Variants in RBFOX1 observed in about 807,000 individuals in gnomAD.
The protein encoded by RBFOX1 is RNA binding fox-1 homolog 1.
Under a neutral mutation model 57.7 loss-of-function variants are expected in RBFOX1, and 8 were observed. The observed-to-expected ratio is 0.14, with a 90% confidence interval of 0.08 to 0.25. The LOEUF (loss-of-function observed/expected upper bound fraction) is 0.25. RBFOX1 is among the 10% of genes least tolerant of loss of function. The pLI is 1.00. For synonymous variants in RBFOX1, 326 were observed against 222.4 expected, an observed-to-expected ratio of 1.47 and a Z score of -4.15; for missense variants, 611 against 548.5, an observed-to-expected ratio of 1.11 and a Z score of -1.14.
intron 4 of RBFOX1, among the ~76,000 whole-genome samples, chr16:7,270,981 C>G (rs1397709400): frequency 6.6e-6 from 1 of 152,136 alleles, no homozygotes; most frequent in African/African-American, 2.4e-5. Flanking sequence ...GGAAGACACA[C>G]ATGTGCAAGT....
At chr16:7,343,719 G>C (rs773883580) in intron 4 of RBFOX1, among the ~76,000 whole-genome samples, 36 of 152,142 alleles carry the variant, frequency 2.4e-4, no homozygotes, top group Non-Finnish European at 4.9e-4. Flanking sequence ...ATGGAGTAGG[G>C]TGTGAGCTCT....
At chr16:6,186,885 C>T (rs2097108794) in intron 1 of RBFOX1, among the ~76,000 whole-genome samples, 1 of 152,068 alleles carries the variant, frequency 6.6e-6, no homozygotes, top group Non-Finnish European at 1.5e-5. Flanking sequence ...CAAAGGCCCC[C>T]GAGTTGGGAG....
chr16:5,432,373 C>G (rs1378980588), intron 1 of RBFOX1, among the ~76,000 whole-genome samples: 1 of 152,214 alleles, frequency 6.6e-6, no homozygotes, highest in Non-Finnish European at 1.5e-5. Flanking sequence ...AAGCTCTCGA[C>G]TGCTCCGTGC....
At chr16:5,620,353 C>G (rs2048166277) in intron 3 of RBFOX1, among the ~76,000 whole-genome samples, 1 of 152,166 alleles carries the variant, frequency 6.6e-6, no homozygotes, top group African/African-American at 2.4e-5. Flanking sequence ...ACATTGTTGC[C>G]TCTATACAGC....
intron 4 of RBFOX1, among the ~76,000 whole-genome samples, chr16:7,488,614 C>T (rs2066056111): frequency 6.6e-6 from 1 of 152,154 alleles, no homozygotes; most frequent in Admixed American, 6.5e-5. Context: ...ATCCGTTACA[C>T]ACCTATCTAC....
chr16:7,188,030 A>C (rs1395905870), intron 4 of RBFOX1, among the ~76,000 whole-genome samples: 1 of 152,232 alleles, frequency 6.6e-6, no homozygotes, highest in Non-Finnish European at 1.5e-5. Context: ...TAGTGAGATT[A>C]TAGGCCATTT....
At chr16:5,321,473 C>G (rs1049548546) in intron 1 of RBFOX1, among the ~76,000 whole-genome samples, 1 of 152,118 alleles carries the variant, frequency 6.6e-6, no homozygotes, top group Non-Finnish European at 1.5e-5. Flanking sequence ...GCGCCCACCA[C>G]CATGCCTGGC....
chr16:5,770,316 C>A (rs1313957696), intron 3 of RBFOX1, among the ~76,000 whole-genome samples: 1 of 152,202 alleles, frequency 6.6e-6, no homozygotes. Flanking sequence ...GCTGCCCTCA[C>A]TGCTCTTTGT....
chr16:7,277,597 T>A (rs941046295), intron 4 of RBFOX1, among the ~76,000 whole-genome samples: 18 of 152,140 alleles, frequency 1.2e-4, no homozygotes, highest in Non-Finnish European at 4.4e-5. Context: ...AATACAGGTA[T>A]TTAAGTCTGA....
Position 6,019,247 on chromosome 16 carries a change from C to G in RBFOX1, c.-872C>G, listed in dbSNP as rs2095023209. ...GCCGTCTGGGTGCACACACCGCTCC[C>G]TCGATCACCCCAGCCCCCTTCCTGG... On this transcript the variant is annotated 5_prime_UTR_variant, in exon 1 of 16. Transcript: ENST00000550418. The surrounding 1 kb of genome is among the most constrained non-coding windows in gnomAD (Gnocchi z 4.2). 3 of 985,306 alleles carry G rather than the reference C, an allele frequency of 3.0e-6. No individual in the cohort carries two copies. The African/African-American group carries it at 5.2e-5, about 17-fold the overall frequency. 61.0% of individuals were successfully genotyped at this position (985,306 alleles called of 1,614,324 possible). A position where few individuals can be genotyped will look rare whatever the true frequency, so the allele number is the denominator to read the frequency against.
At chr16:6,669,320 C>T (rs2098750465) in intron 3 of RBFOX1, among the ~76,000 whole-genome samples, 2 of 152,116 alleles carry the variant, frequency 1.3e-5, no homozygotes, top group African/African-American at 2.4e-5. Flanking sequence ...TTATATTGTG[C>T]TTCTTTTTAT....
At chr16:6,544,112 T>C (rs773253737) in intron 2 of RBFOX1, among the ~76,000 whole-genome samples, 17 of 152,198 alleles carry the variant, frequency 1.1e-4, no homozygotes, top group South Asian at 2.1e-4. Context: ...GAGTATCTTA[T>C]CTGTCTTTGC....
intron 2 of RBFOX1, among the ~76,000 whole-genome samples, chr16:6,365,723 C>G (rs144990757): frequency 6.6e-6 from 1 of 152,270 alleles, no homozygotes; most frequent in East Asian, 1.9e-4. Context: ...AGATTTAGGT[C>G]TGAGCACCAT....
intron 3 of RBFOX1, among the ~76,000 whole-genome samples, chr16:6,811,062 C>A (rs151211935): frequency 5.9e-5 from 9 of 152,272 alleles, no homozygotes; most frequent in Admixed American, 5.9e-4. Context: ...CCCCGAAAAA[C>A]ACACCTGGGT....
chr16:5,669,482 C>G (rs576050388), intron 3 of RBFOX1, among the ~76,000 whole-genome samples: 63 of 147,016 alleles, frequency 4.3e-4, no homozygotes, highest in Middle Eastern at 3.6e-3. Flanking sequence ...TGCAGTGGCA[C>G]TATCTTGGCT....
At chr16:6,763,361 T>C (rs913269803) in intron 3 of RBFOX1, among the ~76,000 whole-genome samples, 5 of 152,210 alleles carry the variant, frequency 3.3e-5, no homozygotes, top group Non-Finnish European at 5.9e-5. Context: ...GTGATTACTT[T>C]CCTGTTGGAG....
chr16:7,457,573 C>T (rs2058766803), intron 4 of RBFOX1, among the ~76,000 whole-genome samples: 2 of 152,130 alleles, frequency 1.3e-5, no homozygotes, highest in Admixed American at 6.5e-5. Flanking sequence ...CTCTTTGATG[C>T]TCTGTTCCTT....
intron 3 of RBFOX1, among the ~76,000 whole-genome samples, chr16:5,609,567 G>A (rs551686283): frequency 3.3e-5 from 5 of 152,300 alleles, no homozygotes; most frequent in African/African-American, 1.2e-4. Context: ...CCGTGTCAGC[G>A]AAGGTTGACC....
At chr16:7,177,878 C>T (rs2081983706) in intron 4 of RBFOX1, among the ~76,000 whole-genome samples, 1 of 152,170 alleles carries the variant, frequency 6.6e-6, no homozygotes, top group African/African-American at 2.4e-5. Context: ...AGGATTTGGC[C>T]TGTGGGTTGT....
Sources: allele counts gnomAD v4.1 joint callset (sites outside exome capture counted in the v4.1 genomes callset), GRCh38; gene constraint gnomAD v4.1.1; non-coding constraint Gnocchi (gnomAD v3.1); transcripts MANE v1.5; gene names NCBI Gene and HGNC (gene_info 2026-07-23, HGNC 2026-07-21).